Variants in DOCK1 observed in about 807,000 individuals in gnomAD.
The protein encoded by DOCK1 is dedicator of cytokinesis 1, also known as dedicator of cytokinesis protein 1.
Under a neutral mutation model 262.7 loss-of-function variants are expected in DOCK1, and 138 were observed. The ratio of observed to expected loss-of-function variants is 0.53; its 90% confidence interval spans 0.46 to 0.61. The LOEUF is 0.61. Ranked by LOEUF, DOCK1 falls within the 20% of genes least tolerant of loss-of-function variation. The pLI, the probability that DOCK1 is intolerant of heterozygous loss-of-function variation, is 0.00. For synonymous variants in DOCK1, 866 were observed against 867.4 expected (o/e 1.00, Z 0.03); for missense variants, 1,908 against 2,370.7 (o/e 0.80, Z 4.05).
chr10:127,342,389 G>T (rs935508612), intron 30 of DOCK1, among the ~76,000 whole-genome samples: 2 of 152,148 alleles, frequency 1.3e-5, no homozygotes, highest in African/African-American at 4.8e-5. Context: ...GGTTGGGGGT[G>T]CCTGGCTCAG....
chr10:127,408,461 G>A (rs899468884), intron 40 of DOCK1, among the ~76,000 whole-genome samples: 9 of 152,158 alleles, frequency 5.9e-5, no homozygotes, highest in East Asian at 1.9e-4. Flanking sequence ...AGTAGCTCTC[G>A]GCTCTGGTCT....
intron 27 of DOCK1, among the ~76,000 whole-genome samples, chr10:127,197,388 A>G (rs1299619139): frequency 6.6e-6 from 1 of 151,996 alleles, no homozygotes; most frequent in Non-Finnish European, 1.5e-5. Flanking sequence ...TTTCCCACCC[A>G]CCAAAGAGTA....
intron 40 of DOCK1, among the ~76,000 whole-genome samples, chr10:127,408,487 G>A (rs1003997223): frequency 2.0e-5 from 3 of 152,198 alleles, no homozygotes; most frequent in African/African-American, 7.2e-5. Context: ...CCTTCCCCTC[G>A]GGTTCTGCTC....
intron 1 of DOCK1, among the ~76,000 whole-genome samples, chr10:126,941,493 A>G (rs1195662305): frequency 1.3e-5 from 2 of 152,136 alleles, no homozygotes; most frequent in East Asian, 1.9e-4. Flanking sequence ...ACAGTGGCTC[A>G]TGCCTGTAAT....
intron 29 of DOCK1, among the ~76,000 whole-genome samples, chr10:127,338,424 T>A (rs1590551572): frequency 1.3e-5 from 2 of 152,380 alleles, no homozygotes; most frequent in Admixed American, 1.3e-4. Flanking sequence ...TTAAAATTTC[T>A]GAGAAAATTC....
chr10:127,413,795 G>A (rs2067994168), intron 43 of DOCK1, among the ~76,000 whole-genome samples: 1 of 152,200 alleles, frequency 6.6e-6, no homozygotes, highest in Non-Finnish European at 1.5e-5. Context: ...AAGAGGACTG[G>A]TGTGGGACAC....
chr10:127,063,471 G>T (rs933773863), intron 23 of DOCK1, among the ~76,000 whole-genome samples: 2 of 151,648 alleles, frequency 1.3e-5, no homozygotes, highest in African/African-American at 4.9e-5. Flanking sequence ...ACGATTTCTT[G>T]ATTTTTTTTT....
intron 33 of DOCK1, among the ~76,000 whole-genome samples, chr10:127,366,659 G>A: frequency 7.2e-6 from 1 of 139,692 alleles, no homozygotes; most frequent in South Asian, 2.3e-4. Flanking sequence ...ACAAGGGATG[G>A]CCCCTATTGT....
intron 31 of DOCK1, among the ~76,000 whole-genome samples, chr10:127,350,673 G>A (rs78488788): frequency 6.6e-6 from 1 of 152,080 alleles, no homozygotes; most frequent in Non-Finnish European, 1.5e-5. Flanking sequence ...CATGCTCATA[G>A]CCCACTGTGG....
intron 23 of DOCK1, among the ~76,000 whole-genome samples, chr10:127,071,527 A>G (rs11016011): frequency 0.04 from 6,090 of 152,226 alleles, 388 homozygotes; most frequent in African/African-American, 0.14. Context: ...TTTTCTTCCA[A>G]TTCTAGTGCA....
chr10:126,967,731 C>A (rs944947323), intron 1 of DOCK1, among the ~76,000 whole-genome samples: 2 of 152,162 alleles, frequency 1.3e-5, no homozygotes, highest in Admixed American at 6.5e-5. Context: ...CTGACCCTCC[C>A]GTCTTCCTCT....
At chr10:127,060,155 T>G (rs2045436095) in intron 22 of DOCK1, among the ~76,000 whole-genome samples, 1 of 152,178 alleles carries the variant, frequency 6.6e-6, no homozygotes, top group Non-Finnish European at 1.5e-5. Context: ...AAATTCCACT[T>G]TGCTTTATAG....
intron 2 of DOCK1, among the ~76,000 whole-genome samples, chr10:126,977,246 A>G (rs2038615613): frequency 6.6e-6 from 1 of 151,990 alleles, no homozygotes; most frequent in African/African-American, 2.4e-5. Context: ...TCCCTTGTTG[A>G]AGGGACTCTT....
At chr10:127,270,111 C>T (rs984210196) in intron 29 of DOCK1, among the ~76,000 whole-genome samples, 2 of 152,214 alleles carry the variant, frequency 1.3e-5, no homozygotes, top group Non-Finnish European at 2.9e-5. Context: ...TCCGAGCTGC[C>T]ATCCTTCTCT....
chr10:127,083,055 T>G (rs566972759), intron 23 of DOCK1, among the ~76,000 whole-genome samples: 2 of 152,326 alleles, frequency 1.3e-5, no homozygotes, highest in South Asian at 4.1e-4. Context: ...GCCTGTCCTC[T>G]GTGCCATTGG....
At chr10:127,197,735 C>T (rs2057273837) in intron 27 of DOCK1, among the ~76,000 whole-genome samples, 1 of 152,192 alleles carries the variant, frequency 6.6e-6, no homozygotes, top group Non-Finnish European at 1.5e-5. Context: ...CACCTAGCAC[C>T]AGCTCTGTGC....
At chr10:127,044,261 G>C (rs1564758381) in intron 21 of DOCK1, among the ~76,000 whole-genome samples, 1 of 152,106 alleles carries the variant, frequency 6.6e-6, no homozygotes, top group Non-Finnish European at 1.5e-5. Context: ...CCTGAAGCCA[G>C]CTGTTAATAT....
intron 27 of DOCK1, among the ~76,000 whole-genome samples, chr10:127,242,899 A>G (rs1354357905): frequency 6.6e-6 from 1 of 152,094 alleles, no homozygotes. Context: ...GAAACCGGGC[A>G]CCTACCGTCC....
At chr10:127,165,435 G>A (rs1392633532) in intron 27 of DOCK1, among the ~76,000 whole-genome samples, 1 of 152,094 alleles carries the variant, frequency 6.6e-6, no homozygotes, top group Non-Finnish European at 1.5e-5. Context: ...TTTGCTAGGG[G>A]GATAACCTAG....
Sources: gnomAD v4.1 joint callset for allele counts (sites outside exome capture counted in the v4.1 genomes callset) on GRCh38, gnomAD v4.1.1 for gene constraint, MANE v1.5 for transcripts, NCBI Gene and HGNC (gene_info 2026-07-23, HGNC 2026-07-21) for gene names.